Variants in HEPHL1 observed in about 807,000 individuals in gnomAD.
HEPHL1 encodes the protein hephaestin like 1.
HEPHL1 carries 123 observed loss-of-function variants against 122.0 expected under a neutral mutation model. The ratio of observed to expected loss-of-function variants is 1.01; its 90% CI spans 0.87 to 1.17. HEPHL1 has a LOEUF of 1.17. Ranked by LOEUF, HEPHL1 falls within the 50% of genes most tolerant of loss-of-function variation. The pLI is 0.00. For synonymous variants in HEPHL1, 527 were observed against 508.9 expected, an observed-to-expected ratio of 1.04 and a Z score of -0.48; for missense variants, 1,452 against 1,430.5, an observed-to-expected ratio of 1.01 and a Z score of -0.24.
At chr11:94,021,623 T>TA in intron 1 of HEPHL1, 85 bp downstream of exon 1, 1 of 1,067,980 alleles carries the variant, frequency 9.4e-7, no homozygotes, top group African/African-American at 1.6e-5. Flanking sequence ...CTTGGGTACT[T>TA]ACAATGGGGG....
chr11:94,111,071 G>A lies in HEPHL1; in HGVS notation c.3208+6G>A. 6.4e-7 allele frequency: 1 copy of A among 1,563,798 alleles called. No individual in the cohort carries two copies. ...CACGGTCCTTCGTAACATAGGTACG[G>A]TTGTCTGTCAGTGATGCCAGATGAT... On this transcript the variant is annotated splice_donor_region_variant and intron_variant, in intron 18 of 19. Coordinates refer to ENST00000315765, the MANE Select transcript of HEPHL1 (RefSeq NM_001098672.2).
Position 94,088,776 on chromosome 11 carries a change from C to T in HEPHL1, c.2102C>T (p.Ala701Val), listed in dbSNP as rs772737453. The change falls in exon 12 of 20, where the codon GCC becomes GTC. Residue 701 changes from alanine (A) to valine (V), a missense_variant. Transcript: ENST00000315765. ...DHAGIFRVFC[A>V]TMPHLSRGMG... ...GCAGGTATTTTTAGGGTGTTTTGTG[C>T]CACCATGCCCCACCTCTCGAGAGGC... 3 of 1,613,424 alleles carry T rather than the reference C, an allele frequency of 1.9e-6. No individual in the cohort carries two copies. The highest frequency in any genetic ancestry group is 2.7e-5 in the African/African-American group (2 of 75,030).
chr11:94,023,393 C>G (rs1203514020), intron 1 of HEPHL1, among the ~76,000 whole-genome samples: 3 of 152,174 alleles, frequency 2.0e-5, no homozygotes, highest in African/African-American at 4.8e-5. Context: ...AGTGACCAAA[C>G]AAGTTATCTG....
chr11:94,029,658 C>T (rs1945655982), intron 1 of HEPHL1, among the ~76,000 whole-genome samples: 1 of 152,176 alleles, frequency 6.6e-6, no homozygotes, highest in Non-Finnish European at 1.5e-5. Flanking sequence ...ATTTGGGAAC[C>T]ACTGCTTTAG....
intron 1 of HEPHL1, among the ~76,000 whole-genome samples, chr11:94,042,883 A>AAAAAACAAAAAAAAAAC (rs11271749): frequency 2.3e-5 from 3 of 132,406 alleles, no homozygotes; most frequent in Admixed American, 7.7e-5. Flanking sequence ...AATAAAAAAA[A>AAAAAACAAAAAAAAAAC]AAAAAAAAAA....
intron 9 of HEPHL1, among the ~76,000 whole-genome samples, chr11:94,081,014 C>A (rs1946166701): frequency 6.6e-6 from 1 of 152,138 alleles, no homozygotes; most frequent in African/African-American, 2.4e-5. Context: ...CAGCACTACT[C>A]ACAACAGCAA....
intron 13 of HEPHL1, among the ~76,000 whole-genome samples, chr11:94,096,833 T>C (rs1450432726): frequency 6.6e-6 from 1 of 152,226 alleles, no homozygotes; most frequent in Non-Finnish European, 1.5e-5. Context: ...TCTCTGATGG[T>C]AGTTTGTATT....
At position 94,073,377 on chromosome 11, in the gene HEPHL1, A is replaced by G; in HGVS notation, c.1442A>G (p.Tyr481Cys). 6.3e-7 allele frequency: 1 copy of G among 1,578,410 alleles called. No individual in the cohort carries two copies. The highest frequency in any genetic ancestry group is 1.2e-5 in the South Asian group (1 of 86,328). ...VTFANKADKV[Y>C]SILPHGVIYD... is the part of the protein sequence containing the mutation. ...TTTGCCAACAAAGCCGACAAGGTCT[A>G]TAGCATTTTACCCCATGGTGTGATC... Residue 481 changes from tyrosine to cysteine, a missense_variant, in exon 8 of 20, where the codon TAT becomes TGT. Tyr to Cys is a radical substitution (Grantham distance 194). Transcript: ENST00000315765.
rs1388260016 is a variant in HEPHL1, at chr11:94,073,370, A to G, written c.1435A>G (p.Lys479Glu). 2 of 1,587,560 alleles carry G rather than the reference A, an allele frequency of 1.3e-6. No homozygotes were observed. Among genetic ancestry groups the G allele is most frequent in the Non-Finnish European group, 1.7e-6 (2 of 1,165,832 alleles). The change falls in exon 8 of 20, where the codon AAG (lysine) becomes GAG (glutamate). Residue 479 changes from lysine (K) to glutamate (E), a missense_variant. Lys to Glu is a moderately conservative substitution (Grantham distance 56). Transcript: ENST00000315765. ...AGTGACCTTTGCCAACAAAGCCGAC[A>G]AGGTCTATAGCATTTTACCCCATGG... ...LLVTFANKAD[K>E]VYSILPHGVI...
At chr11:94,028,864 C>A (rs1945647895) in intron 1 of HEPHL1, among the ~76,000 whole-genome samples, 1 of 152,196 alleles carries the variant, frequency 6.6e-6, no homozygotes, top group Admixed American at 6.5e-5. Context: ...CTCAAAGGAG[C>A]TGGAGTTTCT....
rs1243050849 is a variant in HEPHL1, at chr11:94,111,957, A to C, written c.*63A>C. ...CACAGCTGGCCAGATGGCAGCCAAC[A>C]GGGAAACTGGACCAAGGCATCACTC... On this transcript the variant is annotated 3_prime_UTR_variant, in exon 20 of 20. Coordinates refer to ENST00000315765, the MANE Select transcript of HEPHL1 (RefSeq NM_001098672.2). The C allele has an allele frequency of 3.2e-6, 4 of 1,252,814 alleles. No homozygotes were observed. Among genetic ancestry groups the C allele is most frequent in the Non-Finnish European group, 4.3e-6 (4 of 920,626 alleles). 77.6% of individuals were successfully genotyped at this position (1,252,814 alleles called of 1,614,324 possible). A position where few individuals can be genotyped will look rare whatever the true frequency, so the allele number is the denominator to read the frequency against.
intron 1 of HEPHL1, among the ~76,000 whole-genome samples, chr11:94,036,504 G>T (rs1467587469): frequency 2.0e-5 from 3 of 152,066 alleles, no homozygotes; most frequent in East Asian, 3.9e-4. Flanking sequence ...AACTTTTCAG[G>T]CTCCAATGCC....
chr11:94,093,996 ATATATATATATATATAT>A, intron 13 of HEPHL1, among the ~76,000 whole-genome samples: 1 of 89,638 alleles, frequency 1.1e-5, no homozygotes, highest in Non-Finnish European at 2.1e-5. Flanking sequence ...ATATATATAT[ATATATATATATATATAT>A]AAAACTTTAA....
Position 94,061,386 on chromosome 11 carries a change from G to A in HEPHL1, c.416-2122G>A, listed in dbSNP as rs12790115. Among the ~76,000 whole-genome samples the A allele has an allele frequency of 2.6e-3, 398 of 152,248 alleles. 4 individuals are homozygous for A. The highest frequency in any genetic ancestry group is 0.021 in the South Asian group (102 of 4,822). ...CAAGGCATGGAAGGAAGAAGCCAGCGTTATACTTTGAGGATTTCTGACAAA... is the reference window on the plus strand; with the variant it reads ...CAAGGCATGGAAGGAAGAAGCCAGCATTATACTTTGAGGATTTCTGACAAA... On this transcript the variant is annotated intron_variant, in intron 2 of 19. Coordinates refer to ENST00000315765, the MANE Select transcript of HEPHL1 (RefSeq NM_001098672.2).
At chr11:94,045,979 G>C in intron 2 of HEPHL1, 62 bp downstream of exon 2, 1 of 1,466,474 alleles carries the variant, frequency 6.8e-7, no homozygotes, top group African/African-American at 1.4e-5. Context: ...GTAACTGTCA[G>C]AGTTAAAGAG....
rs536824784 is a variant in HEPHL1 at position 94,052,616 on chromosome 11, C to A, written c.415+6699C>A. Among the ~76,000 whole-genome samples the A allele has an allele frequency of 1.4e-4, 22 of 152,068 alleles. No individual in the cohort carries two copies. The Middle Eastern group carries it at 0.014, about 94-fold the overall frequency. On this transcript the variant is annotated intron_variant, in intron 2 of 19. Coordinates refer to ENST00000315765, the MANE Select transcript of HEPHL1 (RefSeq NM_001098672.2). ...GGATGTCCTTATTTCTTCCTCTTGTCTGATTGTTTTAGCTGGGACTGGAGG... is the reference window on the plus strand; with the variant it reads ...GGATGTCCTTATTTCTTCCTCTTGTATGATTGTTTTAGCTGGGACTGGAGG...
intron 2 of HEPHL1, among the ~76,000 whole-genome samples, chr11:94,062,944 C>A (rs1945998635): frequency 6.6e-6 from 1 of 152,178 alleles, no homozygotes; most frequent in Non-Finnish European, 1.5e-5. Context: ...CCCAAAATGA[C>A]ATTCAACACA....
At chr11:94,070,654 T>C (rs1946067758) in intron 6 of HEPHL1, 112 bp downstream of exon 6, 2 of 828,754 alleles carry the variant, frequency 2.4e-6, no homozygotes, top group East Asian at 2.7e-5. Flanking sequence ...TTATACTGCA[T>C]AGATGGCATA....
intron 2 of HEPHL1, among the ~76,000 whole-genome samples, chr11:94,050,901 T>C (rs1396877854): frequency 6.6e-6 from 1 of 152,128 alleles, no homozygotes; most frequent in Non-Finnish European, 1.5e-5. Context: ...CACAAACAAG[T>C]GAGAACATGT....
Sources: gnomAD v4.1 joint callset for allele counts (sites outside exome capture counted in the v4.1 genomes callset) on GRCh38, gnomAD v4.1.1 for gene constraint, MANE v1.5 for transcripts, NCBI Gene and HGNC (gene_info 2026-07-23, HGNC 2026-07-21) for gene names.